The following DRC4 variants were observed in gnomAD, a reference collection of about 807,000 sequenced individuals.
DRC4 encodes GAS-11.
chr16:90,029,209 G>GCTGCGGGGCAGC, the DRC4 span: 27 of 1,354,614 alleles, frequency 2.0e-5, no homozygotes, highest in Middle Eastern at 2.1e-4. Context: ...TACGGGGCAG[G>GCTGCGGGGCAGC]CTACGGGGCA....
the DRC4 span, chr16:90,040,405 G>C: frequency 6.2e-7 from 1 of 1,612,068 alleles, no homozygotes; most frequent in Non-Finnish European, 8.5e-7. Flanking sequence ...CAAGCTGCAG[G>C]CTCTGAGCGC....
the DRC4 span, chr16:90,029,164 A>G: frequency 2.2e-6 from 3 of 1,348,194 alleles, no homozygotes; most frequent in East Asian, 4.7e-5. Context: ...GGGGCAGGCT[A>G]CGGGGCAGCT....
the DRC4 span, chr16:90,027,821 C>G: frequency 8.6e-7 from 1 of 1,156,158 alleles, no homozygotes; most frequent in South Asian, 1.3e-5. Context: ...TGGATCCACC[C>G]TTCTGTCCAA....
At chr16:90,023,758 C>G in the DRC4 span, among the ~76,000 whole-genome samples, 1 of 150,950 alleles carries the variant, frequency 6.6e-6, no homozygotes, top group Non-Finnish European at 1.5e-5. Context: ...CTTTGGGAGG[C>G]CGAGGCAGGC....
chr16:90,031,050 C>T, the DRC4 span: 52 of 797,316 alleles, frequency 6.5e-5, no homozygotes, highest in Middle Eastern at 7.4e-4. Flanking sequence ...CATCAATTCT[C>T]AGGAATGGAT....
the DRC4 span, chr16:90,040,351 G>A: frequency 6.2e-7 from 1 of 1,606,616 alleles, no homozygotes. Flanking sequence ...AGCCATCCAG[G>A]AGGTGCAGCA....
the DRC4 span, chr16:90,036,552 C>A: frequency 6.3e-7 from 1 of 1,596,318 alleles, no homozygotes; most frequent in East Asian, 2.3e-5. Flanking sequence ...AACGACATCA[C>A]CCTCAACAAC....
At chr16:90,036,990 T>C in the DRC4 span, 1 of 573,740 alleles carries the variant, frequency 1.7e-6, no homozygotes, top group African/African-American at 1.9e-5. Flanking sequence ...CAACGGCCCT[T>C]GGTGGAATCT....
At chr16:90,032,611 TGAG>T in the DRC4 span, 34 of 947,090 alleles carry the variant, frequency 3.6e-5, no homozygotes, top group African/African-American at 2.5e-4. Flanking sequence ...TATGGACAGG[TGAG>T]GAGGTGTGGT....
the DRC4 span, chr16:90,028,955 T>C: frequency 7.7e-7 from 1 of 1,303,650 alleles, no homozygotes; most frequent in Non-Finnish European, 1.0e-6. Context: ...CCATTGGCAG[T>C]TTAAGCCAGT....
the DRC4 span, chr16:90,031,392 T>G: frequency 6.2e-7 from 1 of 1,613,930 alleles, no homozygotes; most frequent in Non-Finnish European, 8.5e-7. Context: ...GATCCACACC[T>G]TCTGGGAGAT....
the DRC4 span, chr16:90,031,202 C>A: frequency 1.3e-6 from 2 of 1,572,170 alleles, no homozygotes; most frequent in Middle Eastern, 1.7e-4. Context: ...GAAGTTGAGT[C>A]CTCCCTCTTT....
the DRC4 span, chr16:90,040,164 C>A: frequency 8.6e-6 from 7 of 810,672 alleles, no homozygotes; most frequent in Non-Finnish European, 1.2e-5. Flanking sequence ...AACACACTGA[C>A]CCCGGTGCTG....
the DRC4 span, chr16:90,020,177 C>T: frequency 1.9e-6 from 1 of 520,586 alleles, no homozygotes; most frequent in African/African-American, 2.0e-5. Flanking sequence ...CAATATTTAT[C>T]TCTCAAAGAA....
the DRC4 span, chr16:90,043,007 G>T: frequency 5.3e-5 from 32 of 598,242 alleles, no homozygotes; most frequent in South Asian, 7.2e-4. Context: ...GCCTCTCCCT[G>T]TCGTGCTACC....
the DRC4 span, among the ~76,000 whole-genome samples, chr16:90,023,519 G>T: frequency 3.3e-5 from 5 of 152,348 alleles, no homozygotes; most frequent in Non-Finnish European, 7.4e-5. Context: ...TGGCTGTGAA[G>T]GTCCCAAATG....
the DRC4 span, chr16:90,031,544 C>A: frequency 6.6e-7 from 1 of 1,515,850 alleles, no homozygotes; most frequent in South Asian, 1.3e-5. Flanking sequence ...CACAGAGCCC[C>A]AGAGGAGCTG....
chr16:90,036,484 G>A, the DRC4 span: 20 of 1,614,096 alleles, frequency 1.2e-5, no homozygotes, highest in African/African-American at 2.7e-5. Context: ...AGAATGGCCA[G>A]ATCCACACGC....
At chr16:90,022,778 G>A in the DRC4 span, 1 of 1,301,678 alleles carries the variant, frequency 7.7e-7, no homozygotes, top group Non-Finnish European at 9.8e-7. Context: ...CGGAGACCTC[G>A]GGGCAGGGAG....
Sources: gnomAD v4.1 joint callset for allele counts (sites outside exome capture counted in the v4.1 genomes callset) on GRCh38, gnomAD v4.1.1 for gene constraint, MANE v1.5 for transcripts, NCBI Gene and HGNC (gene_info 2026-07-23, HGNC 2026-07-21) for gene names.